SLC71A1: variants seen among roughly 807,000 people sequenced by gnomAD.
SLC71A1 encodes the protein hippocampus abundant gene transcript 1.
At chr1:100,042,975 G>C in the SLC71A1 span, 1 of 380,200 alleles carries the variant, frequency 2.6e-6, no homozygotes, top group Non-Finnish European at 3.6e-6. Context: ...TGTGTGGCTG[G>C]CAGCATCATT....
the SLC71A1 span, among the ~76,000 whole-genome samples, chr1:100,057,321 A>G: frequency 6.7e-6 from 1 of 149,806 alleles, no homozygotes; most frequent in African/African-American, 2.5e-5. Context: ...TCATTTACAT[A>G]CAGTCTGCGA....
the SLC71A1 span, chr1:100,067,886 C>T: frequency 1.0e-6 from 1 of 989,462 alleles, no homozygotes; most frequent in Admixed American, 1.9e-5. Context: ...CAACAGAAGG[C>T]CTGACATAAA....
chr1:100,066,938 G>A, the SLC71A1 span, among the ~76,000 whole-genome samples: 110 of 133,888 alleles, frequency 8.2e-4, 1 homozygote, highest in African/African-American at 3.0e-3. Flanking sequence ...GCAGTGAGCC[G>A]AGATCGCGCC....
At chr1:100,079,555 AAAAG>A in the SLC71A1 span, 1 of 152,246 alleles carries the variant, frequency 6.6e-6, no homozygotes, top group Admixed American at 6.5e-5. Flanking sequence ...TTAAAGATCC[AAAAG>A]AGAGAAACAA....
At chr1:100,072,375 T>C in the SLC71A1 span, among the ~76,000 whole-genome samples, 1 of 150,496 alleles carries the variant, frequency 6.6e-6, no homozygotes, top group African/African-American at 2.4e-5. Context: ...TGGGTCCCCA[T>C]GCTCATGTGC....
chr1:100,039,051 A>G, the SLC71A1 span, among the ~76,000 whole-genome samples: 5 of 152,332 alleles, frequency 3.3e-5, no homozygotes, highest in East Asian at 1.9e-4. Flanking sequence ...AAGGGAAGAA[A>G]GGTTTGCTTT....
the SLC71A1 span, among the ~76,000 whole-genome samples, chr1:100,061,650 T>A: frequency 2.0e-5 from 3 of 152,252 alleles, no homozygotes; most frequent in Non-Finnish European, 4.4e-5. Context: ...ATTGAAGGGC[T>A]CCTTCTAGCC....
chr1:100,052,362 G>C, the SLC71A1 span, among the ~76,000 whole-genome samples: 4 of 150,326 alleles, frequency 2.7e-5, no homozygotes, highest in Non-Finnish European at 5.9e-5. Context: ...CAAGGAAGGA[G>C]TCCCCTTAAT....
chr1:100,082,091 C>G, the SLC71A1 span: 3 of 1,614,054 alleles, frequency 1.9e-6, no homozygotes, highest in South Asian at 3.3e-5. Flanking sequence ...CCGGAACATA[C>G]CAATTTAAGC....
At chr1:100,072,254 G>C in the SLC71A1 span, among the ~76,000 whole-genome samples, 1 of 152,148 alleles carries the variant, frequency 6.6e-6, no homozygotes, top group Non-Finnish European at 1.5e-5. Context: ...CAGCAGCACG[G>C]AGCTGCTAAT....
At chr1:100,078,357 C>A in the SLC71A1 span, 2 of 797,088 alleles carry the variant, frequency 2.5e-6, no homozygotes, top group Non-Finnish European at 4.1e-6. Flanking sequence ...TTCTCTACAG[C>A]CATTTCACAG....
At chr1:100,049,527 C>T in the SLC71A1 span, among the ~76,000 whole-genome samples, 11 of 152,180 alleles carry the variant, frequency 7.2e-5, no homozygotes, top group African/African-American at 1.2e-4. Flanking sequence ...GTACTGAACT[C>T]GATATATGAG....
the SLC71A1 span, chr1:100,078,305 G>A: frequency 7.0e-6 from 4 of 570,510 alleles, no homozygotes; most frequent in African/African-American, 1.9e-5. Flanking sequence ...ATTGTTAAGC[G>A]ACTTGCCCAT....
chr1:100,043,518 A>G, the SLC71A1 span, among the ~76,000 whole-genome samples: 1 of 152,228 alleles, frequency 6.6e-6, no homozygotes, highest in South Asian at 2.1e-4. Context: ...AAGTATATGC[A>G]GCATACCTGT....
At chr1:100,039,162 T>C in the SLC71A1 span, among the ~76,000 whole-genome samples, 1 of 152,220 alleles carries the variant, frequency 6.6e-6, no homozygotes, top group Non-Finnish European at 1.5e-5. Context: ...CAAAACTGTT[T>C]TATGCTAACA....
the SLC71A1 span, chr1:100,077,237 A>G: frequency 6.3e-7 from 1 of 1,592,042 alleles, no homozygotes; most frequent in Admixed American, 1.7e-5. Flanking sequence ...AGGATTTCAA[A>G]TATTACAGTT....
the SLC71A1 span, chr1:100,082,374 G>GAC: frequency 3.3e-5 from 20 of 598,766 alleles, no homozygotes; most frequent in South Asian, 4.0e-4. Flanking sequence ...CTTAGAACCA[G>GAC]ACAGTTTTCC....
the SLC71A1 span, among the ~76,000 whole-genome samples, chr1:100,041,821 G>A: frequency 6.6e-6 from 1 of 152,110 alleles, no homozygotes; most frequent in Non-Finnish European, 1.5e-5. Flanking sequence ...CTACCCGGGA[G>A]GCCGAGGCAC....
the SLC71A1 span, among the ~76,000 whole-genome samples, chr1:100,050,590 AAGG>A: frequency 6.6e-6 from 1 of 152,174 alleles, no homozygotes; most frequent in African/African-American, 2.4e-5. Context: ...ACCATCTTGA[AAGG>A]AGTAATTATG....
Sources: gnomAD v4.1 joint callset for allele counts (sites outside exome capture counted in the v4.1 genomes callset) on GRCh38, gnomAD v4.1.1 for gene constraint, MANE v1.5 for transcripts, NCBI Gene and HGNC (gene_info 2026-07-23, HGNC 2026-07-21) for gene names.